The following MACROD2 variants were observed in gnomAD, a reference collection of about 807,000 sequenced individuals.
The protein encoded by MACROD2 is ADP-ribose glycohydrolase MACROD2.
MACROD2 carries 36 observed loss-of-function variants against 70.4 expected under a neutral mutation model. The observed-to-expected ratio is 0.51, with a 90% CI of 0.39 to 0.68. The LOEUF (loss-of-function observed/expected upper bound fraction) is 0.68. MACROD2 is among the 30% of genes least tolerant of loss of function. MACROD2 has a pLI of 0.00. For missense variants in MACROD2, 496 were observed against 538.4 expected (o/e 0.92, Z 0.78); for synonymous variants, 172 against 178.8 (o/e 0.96, Z 0.30).
intron 5 of MACROD2, among the ~76,000 whole-genome samples, chr20:15,074,080 G>A (rs939495632): frequency 1.3e-5 from 2 of 152,146 alleles, no homozygotes; most frequent in Non-Finnish European, 2.9e-5. Context: ...TTTGAATACT[G>A]TGAAGTTGTG....
chr20:14,650,017 C>G (rs1568719681), intron 4 of MACROD2, among the ~76,000 whole-genome samples: 1 of 152,116 alleles, frequency 6.6e-6, no homozygotes, highest in African/African-American at 2.4e-5. Context: ...TCAGATAAGT[C>G]AAATCCACAT....
chr20:15,496,923 C>T (rs2047305423), intron 7 of MACROD2, among the ~76,000 whole-genome samples: 1 of 152,052 alleles, frequency 6.6e-6, no homozygotes, highest in Non-Finnish European at 1.5e-5. Flanking sequence ...ACCAAAGGAG[C>T]ACAGCTGTCA....
At chr20:14,035,117 C>G (rs926367469) in intron 2 of MACROD2, among the ~76,000 whole-genome samples, 22 of 152,142 alleles carry the variant, frequency 1.4e-4, no homozygotes, top group African/African-American at 4.8e-4. Flanking sequence ...ATTCATCAGT[C>G]TTTTAAGGCA....
chr20:14,889,579 G>A (rs1418412428), intron 5 of MACROD2, among the ~76,000 whole-genome samples: 1 of 152,056 alleles, frequency 6.6e-6, no homozygotes, highest in East Asian at 1.9e-4. Context: ...GATCCTATCC[G>A]GCATAGGAAT....
intron 4 of MACROD2, among the ~76,000 whole-genome samples, chr20:14,647,159 C>T (rs1225243509): frequency 6.6e-6 from 1 of 152,120 alleles, no homozygotes; most frequent in Non-Finnish European, 1.5e-5. Flanking sequence ...CAGCAAGCAG[C>T]TACTAATTCA....
intron 5 of MACROD2, among the ~76,000 whole-genome samples, chr20:15,215,252 TTGTGTGTGTGTG>T (rs376439581): frequency 6.4e-4 from 87 of 135,546 alleles, no homozygotes; most frequent in African/African-American, 1.6e-3. Context: ...CTCCTGTATT[TTGTGTGTGTGTG>T]TGTGTGTGTG....
At chr20:14,431,711 C>T (rs751579735) in intron 3 of MACROD2, among the ~76,000 whole-genome samples, 46 of 152,168 alleles carry the variant, frequency 3.0e-4, no homozygotes, top group Non-Finnish European at 5.9e-4. Flanking sequence ...AGAATTTAGA[C>T]ATTATCTGGT....
intron 5 of MACROD2, among the ~76,000 whole-genome samples, chr20:14,802,622 A>T (rs1429170850): frequency 6.6e-6 from 1 of 152,086 alleles, no homozygotes; most frequent in Non-Finnish European, 1.5e-5. Flanking sequence ...TATAATATGC[A>T]TACCTTCTAT....
intron 3 of MACROD2, among the ~76,000 whole-genome samples, chr20:14,277,553 A>G (rs2082270272): frequency 1.3e-5 from 2 of 152,246 alleles, no homozygotes; most frequent in Admixed American, 1.3e-4. Flanking sequence ...TAGCTTAAAT[A>G]AAAAATGTTT....
intron 4 of MACROD2, among the ~76,000 whole-genome samples, chr20:14,562,928 AT>A (rs1250507411): frequency 2.6e-5 from 4 of 151,832 alleles, no homozygotes; most frequent in Non-Finnish European, 5.9e-5. Context: ...GTATGAACTT[AT>A]GGAAATTTGG....
Position 14,326,324 on chromosome 20 carries a change from T to C in MACROD2, c.272-167155T>C, listed in dbSNP as rs752462884. On this transcript the variant is annotated intron_variant, in intron 3 of 17. Transcript: ENST00000684519. This position sits in a 1 kb window ranked among gnomAD's most constrained non-coding sequence, Gnocchi z 5.5. Reference sequence around the variant, plus strand: ...GTGGTTTGGTGATCCTTAGTGAGCTTGGGGTTCTTAATATCTGGCTGTTTG... The same window carrying C: ...GTGGTTTGGTGATCCTTAGTGAGCTCGGGGTTCTTAATATCTGGCTGTTTG... 1.2e-6 allele frequency: 2 copies of C among 1,613,896 alleles called. No homozygotes were observed. The highest frequency in any genetic ancestry group is 3.3e-5 in the Admixed American group (2 of 59,994).
intron 6 of MACROD2, among the ~76,000 whole-genome samples, chr20:15,232,964 C>T (rs986219768): frequency 6.7e-6 from 1 of 150,280 alleles, no homozygotes; most frequent in Admixed American, 6.6e-5. Flanking sequence ...TACTGTGTAC[C>T]CTGACGTTAT....
intron 5 of MACROD2, among the ~76,000 whole-genome samples, chr20:15,143,152 T>C (rs1392190427): frequency 6.6e-6 from 1 of 152,184 alleles, no homozygotes; most frequent in Non-Finnish European, 1.5e-5. Flanking sequence ...TTCCCACTTC[T>C]CCACATCCTC....
chr20:15,882,368 T>C (rs1360710287), intron 9 of MACROD2, among the ~76,000 whole-genome samples: 1 of 152,012 alleles, frequency 6.6e-6, no homozygotes, highest in East Asian at 1.9e-4. Flanking sequence ...AGACAGAAAT[T>C]AACTTGTAAA....
chr20:14,209,934 C>T (rs558348425), intron 3 of MACROD2, among the ~76,000 whole-genome samples: 2 of 152,142 alleles, frequency 1.3e-5, no homozygotes, highest in East Asian at 3.9e-4. Context: ...ATTATTCAGA[C>T]CTCACTTTCC....
chr20:15,441,727 G>A (rs1448470775), intron 7 of MACROD2, among the ~76,000 whole-genome samples: 1 of 152,118 alleles, frequency 6.6e-6, no homozygotes, highest in Non-Finnish European at 1.5e-5. Context: ...TTGTGTCAAG[G>A]TAAAAGTGAT....
At chr20:14,530,453 C>T (rs1317005426) in intron 4 of MACROD2, among the ~76,000 whole-genome samples, 1 of 152,146 alleles carries the variant, frequency 6.6e-6, no homozygotes, top group East Asian at 1.9e-4. Context: ...AAATGGGGTA[C>T]TTTCTAAAGC....
chr20:15,522,354 G>A (rs1258972869), intron 8 of MACROD2, among the ~76,000 whole-genome samples: 1 of 152,174 alleles, frequency 6.6e-6, no homozygotes, highest in African/African-American at 2.4e-5. Context: ...AAAGTACATA[G>A]GGAAAAATAG....
intron 3 of MACROD2, among the ~76,000 whole-genome samples, chr20:14,255,613 C>G (rs2082049292): frequency 6.6e-6 from 1 of 151,466 alleles, no homozygotes; most frequent in Non-Finnish European, 1.5e-5. Context: ...TGCAACACAC[C>G]AACATGGCAC....
Sources: allele counts gnomAD v4.1 joint callset (sites outside exome capture counted in the v4.1 genomes callset), GRCh38; gene constraint gnomAD v4.1.1; non-coding constraint Gnocchi (gnomAD v3.1); transcripts MANE v1.5; gene names NCBI Gene and HGNC (gene_info 2026-07-23, HGNC 2026-07-21).